The following KLHL14 variants were observed in gnomAD, a reference collection of about 807,000 sequenced individuals.
KLHL14 encodes the protein kelch-like protein 14.
Under a neutral mutation model 64.3 loss-of-function variants are expected in KLHL14, and 22 were observed. The observed-to-expected ratio is 0.34, with a 90% CI of 0.24 to 0.49. The LOEUF is 0.49. Among genes scored for constraint, KLHL14 ranks in the 20% least tolerant of loss-of-function variants. The pLI is 0.99. For synonymous variants in KLHL14, 322 were observed against 333.4 expected (o/e 0.97, Z 0.37); for missense variants, 661 against 789.0 (o/e 0.84, Z 1.94).
chr18:32,680,094 G>A lies in KLHL14; in HGVS notation c.1588+75C>T. The A allele has an allele frequency of 6.9e-7, 1 of 1,439,788 alleles. No individual in the cohort carries two copies. The highest frequency in any genetic ancestry group is 9.5e-7 in the Non-Finnish European group (1 of 1,053,324). 89.2% of individuals were successfully genotyped at this position (1,439,788 alleles called of 1,614,324 possible). A position where few individuals can be genotyped will look rare whatever the true frequency, so the allele number is the denominator to read the frequency against. On this transcript the variant is annotated intron_variant, in intron 7 of 8. Coordinates refer to ENST00000359358, the MANE Select transcript of KLHL14 (RefSeq NM_020805.3). The surrounding 1 kb of genome is among the most constrained non-coding windows in gnomAD (Gnocchi z 4.8). ...TACTTGGTTAACTATGATTATCTAAGGAGAAACCCCCTTAGCGAGAAATAT... is the reference window on the plus strand; with the variant it reads ...TACTTGGTTAACTATGATTATCTAAAGAGAAACCCCCTTAGCGAGAAATAT...
At chr18:32,762,840 A>G (rs975551391) in intron 2 of KLHL14, among the ~76,000 whole-genome samples, 12 of 152,212 alleles carry the variant, frequency 7.9e-5, no homozygotes, top group Non-Finnish European at 1.5e-4. Flanking sequence ...GAGAGAAGAC[A>G]AACATTTATG....
intron 3 of KLHL14, among the ~76,000 whole-genome samples, chr18:32,696,785 C>T (rs1310480614): frequency 6.6e-6 from 1 of 152,090 alleles, no homozygotes; most frequent in Non-Finnish European, 1.5e-5. Flanking sequence ...TTATTTTTCT[C>T]AGAAAGCATT....
chr18:32,679,456 A>G (rs2049827321), intron 7 of KLHL14, among the ~76,000 whole-genome samples: 1 of 152,154 alleles, frequency 6.6e-6, no homozygotes, highest in Admixed American at 6.5e-5. Flanking sequence ...GAGGAAACTG[A>G]GGCCCAAAGC....
chr18:32,714,954 T>C (rs984185882), intron 3 of KLHL14, among the ~76,000 whole-genome samples: 1 of 152,032 alleles, frequency 6.6e-6, no homozygotes, highest in Admixed American at 6.6e-5. Flanking sequence ...TTCTTGACTC[T>C]ACTCTTCCTT....
intron 2 of KLHL14, among the ~76,000 whole-genome samples, chr18:32,757,798 A>G (rs1396215020): frequency 6.6e-6 from 1 of 152,228 alleles, no homozygotes; most frequent in African/African-American, 2.4e-5. Context: ...AACAAACAAT[A>G]CCAAAATCAA....
intron 5 of KLHL14, among the ~76,000 whole-genome samples, chr18:32,681,062 T>G (rs750277707): frequency 7.2e-5 from 11 of 152,102 alleles, no homozygotes; most frequent in Non-Finnish European, 1.6e-4. Context: ...CATCAAAAAT[T>G]TTCTTCAATT....
rs780354105 is a variant in KLHL14, at chr18:32,770,141, G to T, written c.451C>A (p.Leu151Met). The T allele has an allele frequency of 1.2e-6, 2 of 1,614,078 alleles. No individual in the cohort carries two copies. Among genetic ancestry groups the T allele is most frequent in the Non-Finnish European group, 1.7e-6 (2 of 1,180,052 alleles). The change falls in exon 2 of 9, where the codon CTG becomes ATG. Residue 151 changes from leucine to methionine, a missense_variant. Physicochemically the swap from Leu to Met is conservative, Grantham distance 15. Coordinates refer to ENST00000359358, the MANE Select transcript of KLHL14 (RefSeq NM_020805.3). The surrounding 1 kb of genome is among the most constrained non-coding windows in gnomAD (Gnocchi z 6.7). ...GACAGCACCTCCTCCACCGTGTCCA[G>T]GGACAGGGTCACGTTGGCCGTGTAG... is the stretch of plus-strand genomic sequence containing the variant. ...YLYTANVTLS[L>M]DTVEEVLSVS...
rs1450258697 is a variant in KLHL14, at chr18:32,757,154, A to G, written c.947+12491T>C. Among the ~76,000 whole-genome samples, 5 of 152,342 alleles carry G rather than the reference A, an allele frequency of 3.3e-5. No homozygotes were observed. In the East Asian group the frequency reaches 9.6e-4, roughly 29 times the overall value. ...GAAATTGTTCTACCCAGCAGCATAAACATTAAGCCCAAGAAACAATTTGTT... is the reference window on the plus strand; with the variant it reads ...GAAATTGTTCTACCCAGCAGCATAAGCATTAAGCCCAAGAAACAATTTGTT... On this transcript the variant is annotated intron_variant, in intron 2 of 8. Coordinates refer to ENST00000359358, the MANE Select transcript of KLHL14 (RefSeq NM_020805.3).
At chr18:32,727,886 A>G (rs951611531) in intron 3 of KLHL14, among the ~76,000 whole-genome samples, 3 of 152,154 alleles carry the variant, frequency 2.0e-5, no homozygotes, top group African/African-American at 7.2e-5. Context: ...ACAAATACAC[A>G]GTTTTTCTCT....
intron 3 of KLHL14, among the ~76,000 whole-genome samples, chr18:32,731,496 T>A (rs1027839465): frequency 6.7e-6 from 1 of 149,528 alleles, no homozygotes; most frequent in African/African-American, 2.5e-5. Context: ...AGGGGGAGGG[T>A]GGGAGGAGGG....
intron 3 of KLHL14, among the ~76,000 whole-genome samples, chr18:32,716,958 G>A (rs2050049173): frequency 6.6e-6 from 1 of 151,968 alleles, no homozygotes; most frequent in South Asian, 2.1e-4. Context: ...CTAGACAGAT[G>A]TCTAGACTGG....
rs145116702 is a variant in KLHL14, at chr18:32,769,882, G to A, written c.710C>T (p.Ala237Val). 9.0e-5 allele frequency: 146 copies of A among 1,613,888 alleles called. No homozygotes were observed. The highest frequency in any genetic ancestry group is 3.3e-4 in the Middle Eastern group (2 of 6,084). ...SLPPPVESEL[A>V]LFQMSVLWLE... Reference sequence around the variant, plus strand: ...CCACAGCACGGACATCTGGAAGAGCGCCAGCTCCGACTCCACGGGGGGCGG... The same window carrying A: ...CCACAGCACGGACATCTGGAAGAGCACCAGCTCCGACTCCACGGGGGGCGG... Residue 237 changes from alanine to valine, a missense_variant, in exon 2 of 9, where the codon GCG becomes GTG. This residue lies in a region of KLHL14 where 331 missense variants were observed against 339.0 expected (regional missense o/e 0.98). Transcript: ENST00000359358.
At chr18:32,745,308 T>G (rs752667891) in intron 2 of KLHL14, 1 of 152,224 alleles carries the variant, frequency 6.6e-6, no homozygotes, top group Non-Finnish European at 1.5e-5. Context: ...CTCTACTTTG[T>G]GAAGATGAAC....
At chr18:32,685,114 T>C (rs2144472396) in intron 5 of KLHL14, among the ~76,000 whole-genome samples, 1 of 152,156 alleles carries the variant, frequency 6.6e-6, no homozygotes, top group East Asian at 1.9e-4. Context: ...CGTTAAACAG[T>C]CCATCCTGTC....
intron 3 of KLHL14, among the ~76,000 whole-genome samples, chr18:32,736,889 C>T (rs1472927565): frequency 2.0e-5 from 3 of 151,924 alleles, no homozygotes; most frequent in Non-Finnish European, 4.4e-5. Context: ...TTTTGTGTTC[C>T]CATAGCACCC....
At position 32,754,674 on chromosome 18, in the gene KLHL14, G is replaced by A. The variant is rs139912466; in HGVS notation, c.948-12625C>T. Among the ~76,000 whole-genome samples the A allele has an allele frequency of 6.6e-5, 10 of 152,318 alleles. No individual in the cohort carries two copies. In the East Asian group the frequency reaches 1.5e-3, roughly 24 times the overall value. Reference sequence around the variant, plus strand: ...TGTGGGGAAACTGTGAGGCTCTTTCGGAGGAACTGGAGCCAGCCTCCTGCC... The same window carrying A: ...TGTGGGGAAACTGTGAGGCTCTTTCAGAGGAACTGGAGCCAGCCTCCTGCC... On this transcript the variant is annotated intron_variant, in intron 2 of 8. Transcript: ENST00000359358.
At chr18:32,713,370 A>G (rs1231662454) in intron 3 of KLHL14, among the ~76,000 whole-genome samples, 2 of 152,092 alleles carry the variant, frequency 1.3e-5, no homozygotes, top group African/African-American at 2.4e-5. Flanking sequence ...CTATCCTTCA[A>G]CTTGCTCAGG....
At chr18:32,686,196 T>A (rs1393561509) in intron 5 of KLHL14, among the ~76,000 whole-genome samples, 3 of 142,152 alleles carry the variant, frequency 2.1e-5, no homozygotes, top group African/African-American at 5.5e-5. Context: ...TTTTTTTTTT[T>A]TTTTTGTATT....
chr18:32,679,424 A>G (rs1301161640), intron 7 of KLHL14, among the ~76,000 whole-genome samples: 1 of 152,154 alleles, frequency 6.6e-6, no homozygotes, highest in African/African-American at 2.4e-5. Flanking sequence ...GAGATCATAG[A>G]GCAGTTTCTT....
Sources: gnomAD v4.1 joint callset for allele counts (sites outside exome capture counted in the v4.1 genomes callset) on GRCh38, gnomAD v4.1.1 for gene constraint, gnomAD v4.1.1 regional missense constraint, Gnocchi (gnomAD v3.1) non-coding constraint, MANE v1.5 for transcripts, NCBI Gene and HGNC (gene_info 2026-07-23, HGNC 2026-07-21) for gene names.